The following GRM8 variants were observed in gnomAD, a reference collection of about 807,000 sequenced individuals.
GRM8 encodes glutamate metabotropic receptor 8, also known as metabotropic glutamate receptor 8.
GRM8 carries 47 observed loss-of-function variants against 87.2 expected under a neutral mutation model. That is an observed-to-expected ratio of 0.54 (90% CI 0.43 to 0.69). The LOEUF is 0.69. Among genes scored for constraint, GRM8 ranks in the 30% least tolerant of loss-of-function variants. GRM8 has a pLI of 0.00. For missense variants in GRM8, 1,019 were observed against 1,139.2 expected, an observed-to-expected ratio of 0.89 and a Z score of 1.52; for synonymous variants, 396 against 404.5, an observed-to-expected ratio of 0.98 and a Z score of 0.25.
At chr7:126,699,855 A>G (rs1809746993) in intron 7 of GRM8, among the ~76,000 whole-genome samples, 2 of 152,188 alleles carry the variant, frequency 1.3e-5, no homozygotes, top group Admixed American at 1.3e-4. Flanking sequence ...TTTTGGGACA[A>G]TAATAAATAC....
intron 3 of GRM8, among the ~76,000 whole-genome samples, chr7:126,913,232 C>G: frequency 6.6e-6 from 1 of 152,126 alleles, no homozygotes; most frequent in Non-Finnish European, 1.5e-5. Context: ...AACATGACTA[C>G]AGTATTATCA....
intron 8 of GRM8, among the ~76,000 whole-genome samples, chr7:126,580,775 T>A (rs549824392): frequency 6.6e-6 from 1 of 152,232 alleles, no homozygotes; most frequent in Admixed American, 6.5e-5. Flanking sequence ...TAATTCAACT[T>A]AGATGGAAAA....
intron 7 of GRM8, among the ~76,000 whole-genome samples, chr7:126,744,047 T>A (rs1815339598): frequency 6.6e-6 from 1 of 152,040 alleles, no homozygotes; most frequent in Non-Finnish European, 1.5e-5. Flanking sequence ...AATTGCTAGT[T>A]TCACTTAAGA....
chr7:127,217,652 G>C (rs959229181), intron 2 of GRM8, among the ~76,000 whole-genome samples: 1 of 152,110 alleles, frequency 6.6e-6, no homozygotes, highest in African/African-American at 2.4e-5. Context: ...GATGTGGCTC[G>C]TAGGTCTCTC....
chr7:126,807,919 T>C (rs145351322), intron 6 of GRM8, among the ~76,000 whole-genome samples: 21 of 152,226 alleles, frequency 1.4e-4, no homozygotes, highest in African/African-American at 3.9e-4. Flanking sequence ...GGTTGGAACC[T>C]CAGACACTAA....
chr7:126,718,211 G>A (rs1285353601), intron 7 of GRM8, among the ~76,000 whole-genome samples: 2 of 152,024 alleles, frequency 1.3e-5, no homozygotes, highest in Admixed American at 6.6e-5. Context: ...CACTCAGTGT[G>A]ACAGAGTGAG....
chr7:127,170,135 G>C (rs1465851808), intron 2 of GRM8, among the ~76,000 whole-genome samples: 2 of 152,048 alleles, frequency 1.3e-5, no homozygotes, highest in African/African-American at 4.8e-5. Context: ...AAACCTTCTG[G>C]AAAAGATTTA....
chr7:127,158,525 G>A (rs926453014), intron 2 of GRM8, among the ~76,000 whole-genome samples: 1 of 152,156 alleles, frequency 6.6e-6, no homozygotes, highest in Non-Finnish European at 1.5e-5. Context: ...AGTTTCAAAG[G>A]CAGGGACGTC....
intron 9 of GRM8, among the ~76,000 whole-genome samples, chr7:126,496,903 A>G (rs1308273795): frequency 6.6e-6 from 1 of 151,694 alleles, no homozygotes; most frequent in African/African-American, 2.4e-5. Context: ...GCATACATGC[A>G]CTGTATACCT....
At chr7:127,220,009 C>T (rs896246235) in intron 2 of GRM8, among the ~76,000 whole-genome samples, 4 of 152,192 alleles carry the variant, frequency 2.6e-5, no homozygotes, top group African/African-American at 7.2e-5. Flanking sequence ...ATCTTCCTAC[C>T]GCCCCAACCT....
chr7:127,252,162 C>G lies in GRM8; in HGVS notation c.-312+635G>C, dbSNP rs1333713862. On this transcript the variant is annotated intron_variant, in intron 1 of 10. Transcript: ENST00000339582. The surrounding 1 kb of genome is among the most constrained non-coding windows in gnomAD (Gnocchi z 4.9). ...CTCGGCGGGGCAAGTCCGGATTCCA[C>G]CAGGGCAGGTCCGGGAGGTCACCCA... 1 of 152,180 alleles carries G rather than the reference C, an allele frequency of 6.6e-6. No homozygotes were observed. Among genetic ancestry groups the G allele is most frequent in the African/African-American group, 2.4e-5 (1 of 41,416 alleles). 9.4% of individuals were successfully genotyped at this position (152,180 alleles called of 1,614,324 possible).
At chr7:126,966,130 G>A (rs1021734428) in intron 3 of GRM8, among the ~76,000 whole-genome samples, 3 of 152,030 alleles carry the variant, frequency 2.0e-5, no homozygotes, top group East Asian at 3.9e-4. Context: ...GATTTCTTTT[G>A]TTGCTGTTCT....
At chr7:126,814,075 T>A (rs1224709204) in intron 6 of GRM8, among the ~76,000 whole-genome samples, 1 of 152,096 alleles carries the variant, frequency 6.6e-6, no homozygotes, top group African/African-American at 2.4e-5. Context: ...AGAGAATTAC[T>A]GGTTATCTAT....
intron 6 of GRM8, among the ~76,000 whole-genome samples, chr7:126,794,056 C>T (rs2151684244): frequency 6.6e-6 from 1 of 152,070 alleles, no homozygotes; most frequent in Middle Eastern, 3.4e-3. Context: ...ATTTACTTGC[C>T]TGGGTTTTCT....
intron 2 of GRM8, among the ~76,000 whole-genome samples, chr7:127,155,292 A>G (rs1792651280): frequency 6.6e-6 from 1 of 152,200 alleles, no homozygotes; most frequent in African/African-American, 2.4e-5. Flanking sequence ...GATCTAACTC[A>G]GCACAGCATT....
chr7:126,543,786 T>C (rs1217489974), intron 8 of GRM8, among the ~76,000 whole-genome samples: 3 of 152,196 alleles, frequency 2.0e-5, no homozygotes, highest in South Asian at 4.1e-4. Context: ...AATGGATCAC[T>C]GGAAAGAGTC....
intron 9 of GRM8, among the ~76,000 whole-genome samples, chr7:126,477,334 T>C (rs1806036623): frequency 6.6e-6 from 1 of 152,030 alleles, no homozygotes; most frequent in African/African-American, 2.4e-5. Flanking sequence ...ATGGTGACTG[T>C]TTTGTATACT....
chr7:126,872,877 A>G (rs1036024269), intron 6 of GRM8, among the ~76,000 whole-genome samples: 27 of 152,206 alleles, frequency 1.8e-4, no homozygotes, highest in Admixed American at 6.5e-4. Flanking sequence ...TCCATCAGGC[A>G]TATGTCATAG....
chr7:126,663,964 G>A (rs956991969), intron 7 of GRM8, among the ~76,000 whole-genome samples: 2 of 152,132 alleles, frequency 1.3e-5, no homozygotes, highest in Admixed American at 6.6e-5. Context: ...CAAAATCAAC[G>A]TGGAGAAATC....
Sources: gnomAD v4.1 joint callset for allele counts (sites outside exome capture counted in the v4.1 genomes callset) on GRCh38, gnomAD v4.1.1 for gene constraint, Gnocchi (gnomAD v3.1) non-coding constraint, MANE v1.5 for transcripts, NCBI Gene and HGNC (gene_info 2026-07-23, HGNC 2026-07-21) for gene names.